Variants in PTPN2 observed in about 807,000 individuals in gnomAD.
PTPN2 encodes the protein tyrosine-protein phosphatase non-receptor type 2.
Under a neutral mutation model 57.3 loss-of-function variants are expected in PTPN2, and 19 were observed. The observed-to-expected ratio is 0.33, with a 90% CI of 0.23 to 0.49. The LOEUF (loss-of-function observed/expected upper bound fraction) is 0.49, where lower values mean the gene tolerates loss of function less well. Ranked by LOEUF, PTPN2 falls within the 20% of genes least tolerant of loss-of-function variation. The pLI, the probability that PTPN2 is intolerant of heterozygous loss-of-function variation, is 0.99. For missense variants in PTPN2, 358 were observed against 501.1 expected, an observed-to-expected ratio of 0.71 and a Z score of 2.73; for synonymous variants, 153 against 164.9, an observed-to-expected ratio of 0.93 and a Z score of 0.55.
chr18:12,811,835 T>C (rs1278456623), intron 7 of PTPN2, among the ~76,000 whole-genome samples: 2 of 152,200 alleles, frequency 1.3e-5, no homozygotes, highest in East Asian at 3.8e-4. Flanking sequence ...CTGTTTCATC[T>C]TTCTTTCTAA....
intron 1 of PTPN2, among the ~76,000 whole-genome samples, chr18:12,881,747 ACC>A (rs1014548709): frequency 5.9e-5 from 9 of 152,024 alleles, no homozygotes; most frequent in African/African-American, 2.2e-4. Context: ...TCCCATGTGT[ACC>A]CCTTTTTGGG....
chr18:12,870,384 CGTATATAT>C (rs1223349375), intron 1 of PTPN2, among the ~76,000 whole-genome samples: 5,773 of 36,396 alleles, frequency 0.16, 645 homozygotes, highest in Non-Finnish European at 0.2. Context: ...CATATATATA[CGTATATAT>C]GTATATATAC....
At chr18:12,785,839 C>G (rs777347715) in exon 10 of PTPN2, 1 of 1,609,518 alleles carries the variant, frequency 6.2e-7, no homozygotes, top group South Asian at 1.1e-5. Flanking sequence ...GTCTGTCAAT[C>G]TTGGCCTAAA....
At position 12,859,207 on chromosome 18, in the gene PTPN2, A is replaced by T. The variant is rs1432117963; in HGVS notation, c.117T>A (p.Phe39Leu). The T allele has an allele frequency of 6.2e-7, 1 of 1,613,486 alleles. No homozygotes were observed. Among genetic ancestry groups the T allele is most frequent in the Non-Finnish European group, 8.5e-7 (1 of 1,179,594 alleles). Residue 39 changes from phenylalanine (F) to leucine (L), a missense_variant, in exon 2 of 9, where the codon TTT becomes TTA. Physicochemically the swap from Phe to Leu is conservative, Grantham distance 22. Transcript: ENST00000309660. ...ATCTGTTTCGATTTCTGTTTTCTGG[A>T]AACTTGGCCACTCTATGAGGATAGT... Reference protein sequence around the residue: ...SHDYPHRVAKFPENRNRNRYR... With the variant: ...SHDYPHRVAKLPENRNRNRYR...
intron 2 of PTPN2, among the ~76,000 whole-genome samples, chr18:12,837,666 A>AT (rs1341085661): frequency 2.0e-5 from 3 of 152,234 alleles, no homozygotes; most frequent in Admixed American, 1.3e-4. Context: ...ATATCACTGA[A>AT]TTATAAAACT....
chr18:12,792,663 T>G lies in PTPN2; in HGVS notation c.*1615A>C, dbSNP rs899769788. 1.8e-4 allele frequency: 28 copies of G among 153,150 alleles called. No individual in the cohort carries two copies. Among genetic ancestry groups the G allele is most frequent in the African/African-American group, 5.5e-4 (23 of 41,576 alleles). The allele number at this position is 153,150 out of a possible 1,614,324, so 9.5% of individuals were successfully genotyped here. On this transcript the variant is annotated 3_prime_UTR_variant, in exon 9 of 9. Coordinates refer to ENST00000309660, the MANE Select transcript of PTPN2 (RefSeq NM_002828.4). The stretch of plus-strand genomic sequence containing the variant: ...TGGAGTGCAGTGACGTGATCTCAGC[T>G]CACTGCAACCTCCATCTCCTGGGTT...
At chr18:12,837,714 ATACTAT>A (rs1266124212) in intron 2 of PTPN2, among the ~76,000 whole-genome samples, 1 of 152,264 alleles carries the variant, frequency 6.6e-6, no homozygotes, top group African/African-American at 2.4e-5. Flanking sequence ...TAGAGAATGC[ATACTAT>A]TACAAGTTGT....
At chr18:12,814,071 A>C in intron 7 of PTPN2, 132 bp downstream of exon 7, 1 of 706,610 alleles carries the variant, frequency 1.4e-6, no homozygotes, top group Non-Finnish European at 2.2e-6. Context: ...ATTTTAAGAC[A>C]GCCAGCTGGA....
intron 4 of PTPN2, among the ~76,000 whole-genome samples, chr18:12,826,699 G>T (rs1185517043): frequency 6.6e-6 from 1 of 152,032 alleles, no homozygotes. Context: ...CTTCTGAGCA[G>T]CTGGGATTAC....
intron 1 of PTPN2, among the ~76,000 whole-genome samples, chr18:12,866,146 T>C (rs1257023217): frequency 6.6e-6 from 1 of 152,102 alleles, no homozygotes; most frequent in East Asian, 1.9e-4. Context: ...TTATGCTAAG[T>C]TAAAGAAACC....
intron 4 of PTPN2, among the ~76,000 whole-genome samples, chr18:12,829,063 A>G (rs541754835): frequency 6.8e-4 from 104 of 152,180 alleles, no homozygotes; most frequent in Non-Finnish European, 1.1e-3. Context: ...ACACCCAGCT[A>G]ATTTTTGTAT....
intron 2 of PTPN2, among the ~76,000 whole-genome samples, chr18:12,838,197 C>T (rs2042931580): frequency 6.6e-6 from 1 of 152,116 alleles, no homozygotes; most frequent in Admixed American, 6.5e-5. Context: ...AATGTATTTC[C>T]TCATGTTGTA....
intron 1 of PTPN2, among the ~76,000 whole-genome samples, chr18:12,879,777 C>T (rs2044608275): frequency 1.3e-5 from 2 of 152,236 alleles, no homozygotes; most frequent in Non-Finnish European, 2.9e-5. Flanking sequence ...TACCACTAAG[C>T]AAGTCCAGCT....
intron 1 of PTPN2, among the ~76,000 whole-genome samples, chr18:12,870,282 T>C (rs1391888175): frequency 4.1e-5 from 3 of 73,668 alleles, no homozygotes; most frequent in African/African-American, 7.9e-5. Context: ...TGTATATATA[T>C]ACATATACAT....
chr18:12,802,177 C>A, intron 7 of PTPN2, 26 bp from the exon 8 acceptor site: 1 of 1,489,190 alleles, frequency 6.7e-7, no homozygotes, highest in African/African-American at 1.4e-5. Context: ...AAATGAAAAA[C>A]AAATGCAAAC....
intron 2 of PTPN2, chr18:12,840,956 T>C (rs2043024543): frequency 2.0e-6 from 3 of 1,467,112 alleles, no homozygotes; most frequent in Admixed American, 2.4e-5. Flanking sequence ...GTTCCCTGCA[T>C]TGAATACTTT....
At chr18:12,856,062 G>T in intron 2 of PTPN2, among the ~76,000 whole-genome samples, 1 of 152,222 alleles carries the variant, frequency 6.6e-6, no homozygotes, top group East Asian at 1.9e-4. Context: ...AGATTTCAGA[G>T]GTGAAGATGA....
Position 12,884,235 on chromosome 18 carries a change from T to A in PTPN2, c.-94A>T. ...GGGAGAGCGCTGGCGCTGCGGCGCATGCGCGCTGCGCGCCGCGCCCCGCCC... is the reference window on the plus strand; with the variant it reads ...GGGAGAGCGCTGGCGCTGCGGCGCAAGCGCGCTGCGCGCCGCGCCCCGCCC... On this transcript the variant is annotated 5_prime_UTR_variant, in exon 1 of 9. It removes an upstream start codon present in the reference 5' UTR. Transcript: ENST00000309660. 1.1e-6 allele frequency: 1 copy of A among 886,432 alleles called. No homozygotes were observed. Among genetic ancestry groups the A allele is most frequent in the Non-Finnish European group, 1.6e-6 (1 of 643,428 alleles). 54.9% of individuals were successfully genotyped at this position (886,432 alleles called of 1,614,324 possible).
intron 1 of PTPN2, among the ~76,000 whole-genome samples, chr18:12,873,843 G>C: frequency 6.6e-6 from 1 of 152,086 alleles, no homozygotes; most frequent in East Asian, 1.9e-4. Flanking sequence ...AGGAAGTGAG[G>C]AGCGTCTCTG....
Sources: gnomAD v4.1 joint callset for allele counts (sites outside exome capture counted in the v4.1 genomes callset) on GRCh38, gnomAD v4.1.1 for gene constraint, MANE v1.5 for transcripts, NCBI Gene and HGNC (gene_info 2026-07-23, HGNC 2026-07-21) for gene names.